Variants in NRXN3 observed in about 807,000 individuals in gnomAD.
NRXN3 encodes the protein neurexin 3.
NRXN3 carries 32 observed loss-of-function variants against 137.6 expected under a neutral mutation model. That is an observed-to-expected ratio of 0.23 (90% CI 0.18 to 0.31). NRXN3 has a LOEUF of 0.31. Ranked by LOEUF, NRXN3 falls within the 10% of genes least tolerant of loss-of-function variation. The pLI, the probability that NRXN3 is intolerant of heterozygous loss-of-function variation, is 1.00. For synonymous variants in NRXN3, 798 were observed against 784.5 expected, an observed-to-expected ratio of 1.02 and a Z score of -0.29; for missense variants, 1,574 against 2,062.5, an observed-to-expected ratio of 0.76 and a Z score of 4.59.
intron 15 of NRXN3, among the ~76,000 whole-genome samples, chr14:79,231,283 G>T (rs1568699820): frequency 6.6e-6 from 1 of 152,080 alleles, no homozygotes; most frequent in African/African-American, 2.4e-5. Flanking sequence ...TAGACCAGTT[G>T]CCATTTATTC....
intron 6 of NRXN3, among the ~76,000 whole-genome samples, chr14:78,678,353 G>C (rs568169649): frequency 8.1e-4 from 119 of 146,368 alleles, no homozygotes; most frequent in African/African-American, 2.9e-3. Context: ...GGGTTTCACT[G>C]TGTTGCCCAG....
intron 1 of NRXN3, among the ~76,000 whole-genome samples, chr14:78,185,983 G>A (rs984439104): frequency 1.3e-5 from 2 of 152,148 alleles, no homozygotes; most frequent in African/African-American, 2.4e-5. Context: ...GGGGTGGCTT[G>A]TTCATCTTTG....
intron 10 of NRXN3, among the ~76,000 whole-genome samples, chr14:78,892,519 G>A (rs1039364049): frequency 4.0e-5 from 6 of 151,814 alleles, no homozygotes; most frequent in African/African-American, 1.2e-4. Context: ...AGGTTTCTGA[G>A]TGGGGAAGAA....
intron 17 of NRXN3, among the ~76,000 whole-genome samples, chr14:79,678,394 C>G (rs1002541375): frequency 6.6e-6 from 1 of 152,146 alleles, no homozygotes; most frequent in Non-Finnish European, 1.5e-5. Context: ...GTGGTAGAAA[C>G]TGAATAATAG....
intron 15 of NRXN3, among the ~76,000 whole-genome samples, chr14:78,998,042 G>A (rs2099533561): frequency 6.6e-6 from 1 of 152,150 alleles, no homozygotes; most frequent in African/African-American, 2.4e-5. Context: ...GCTCCATGAT[G>A]CAGAAATTCT....
chr14:78,625,032 G>C (rs12587427), intron 4 of NRXN3, among the ~76,000 whole-genome samples: 2,911 of 152,166 alleles, frequency 0.019, 101 homozygotes, highest in East Asian at 0.18. Context: ...AGTAGAGACG[G>C]GGTTTCACCT....
At chr14:79,541,770 G>A (rs2097275333) in intron 16 of NRXN3, among the ~76,000 whole-genome samples, 1 of 152,172 alleles carries the variant, frequency 6.6e-6, no homozygotes, top group Admixed American at 6.5e-5. Flanking sequence ...CCCACCTGTA[G>A]CTGATGGAGT....
chr14:78,610,044 G>C (rs1449504956), intron 4 of NRXN3, among the ~76,000 whole-genome samples: 3 of 151,912 alleles, frequency 2.0e-5, no homozygotes, highest in Admixed American at 1.3e-4. Context: ...GGGAGAGAGA[G>C]AGAGAGAGAG....
chr14:79,608,344 A>G (rs1370152606), intron 16 of NRXN3, among the ~76,000 whole-genome samples: 2 of 152,212 alleles, frequency 1.3e-5, no homozygotes, highest in African/African-American at 2.4e-5. Flanking sequence ...TTTTGGGATT[A>G]GATTTGGATT....
chr14:78,440,584 C>T (rs924674668), intron 4 of NRXN3, among the ~76,000 whole-genome samples: 2 of 152,158 alleles, frequency 1.3e-5, no homozygotes, highest in Admixed American at 1.3e-4. Context: ...GGATCCTCCC[C>T]AGGGAAGGCC....
intron 15 of NRXN3, among the ~76,000 whole-genome samples, chr14:79,007,723 G>A (rs1006433242): frequency 7.4e-5 from 11 of 148,258 alleles, no homozygotes; most frequent in Admixed American, 2.7e-4. Flanking sequence ...GAAGAATGGC[G>A]TGAACCCGGG....
At chr14:79,694,478 G>T (rs572987337) in intron 18 of NRXN3, among the ~76,000 whole-genome samples, 1 of 151,756 alleles carries the variant, frequency 6.6e-6, no homozygotes, top group Non-Finnish European at 1.5e-5. Flanking sequence ...CATTAAGAAA[G>T]ATAAAATAGT....
At chr14:78,816,593 A>C (rs945471469) in intron 10 of NRXN3, among the ~76,000 whole-genome samples, 1 of 152,280 alleles carries the variant, frequency 6.6e-6, no homozygotes, top group East Asian at 1.9e-4. Flanking sequence ...GCTTTTTACT[A>C]CTAAAAATGT....
At chr14:79,245,854 A>C (rs2075089709) in intron 15 of NRXN3, among the ~76,000 whole-genome samples, 1 of 152,182 alleles carries the variant, frequency 6.6e-6, no homozygotes, top group Non-Finnish European at 1.5e-5. Context: ...ACACAGAAAC[A>C]CACATAAATT....
intron 20 of NRXN3, among the ~76,000 whole-genome samples, chr14:79,859,530 T>C (rs1282088524): frequency 6.6e-6 from 1 of 152,126 alleles, no homozygotes; most frequent in Non-Finnish European, 1.5e-5. Flanking sequence ...TCAATCTTCA[T>C]AGGAAAAACC....
At chr14:78,664,121 A>T (rs556531354) in intron 6 of NRXN3, among the ~76,000 whole-genome samples, 1 of 152,292 alleles carries the variant, frequency 6.6e-6, no homozygotes, top group East Asian at 1.9e-4. Flanking sequence ...ACTGCACACC[A>T]ATTATCAACC....
chr14:79,831,123 T>G (rs1472563904), intron 20 of NRXN3, among the ~76,000 whole-genome samples: 1 of 152,060 alleles, frequency 6.6e-6, no homozygotes, highest in Non-Finnish European at 1.5e-5. Flanking sequence ...AATATCTAGA[T>G]TCAGTAGGAA....
intron 15 of NRXN3, among the ~76,000 whole-genome samples, chr14:79,344,198 G>A (rs759333225): frequency 6.6e-6 from 1 of 152,082 alleles, no homozygotes; most frequent in Non-Finnish European, 1.5e-5. Flanking sequence ...AGTGAAATAG[G>A]TGGGGTTGTG....
At chr14:79,686,952 C>A (rs950437931) in intron 17 of NRXN3, among the ~76,000 whole-genome samples, 5 of 152,276 alleles carry the variant, frequency 3.3e-5, no homozygotes, top group South Asian at 2.1e-4. Flanking sequence ...GCTCAAGGAG[C>A]CACTTAAAAA....
Sources: allele counts gnomAD v4.1 joint callset (sites outside exome capture counted in the v4.1 genomes callset), GRCh38; gene constraint gnomAD v4.1.1; transcripts MANE v1.5; gene names NCBI Gene and HGNC (gene_info 2026-07-23, HGNC 2026-07-21).